Variants in CTNNBL1 observed in about 807,000 individuals in gnomAD.
CTNNBL1 encodes the protein beta-catenin-like protein 1.
In CTNNBL1, 31 loss-of-function variants were observed where a neutral mutation model predicts 72.7. The observed-to-expected ratio is 0.43, with a 90% CI of 0.32 to 0.58. The LOEUF (loss-of-function observed/expected upper bound fraction) is 0.58, where lower values mean the gene tolerates loss of function less well. CTNNBL1 is among the 20% of genes least tolerant of loss of function. The probability of loss-of-function intolerance (pLI) is 0.08; values close to 1 mark genes in which losing one functional copy is unlikely to be tolerated. For synonymous variants in CTNNBL1, 240 were observed against 267.3 expected, an observed-to-expected ratio of 0.90 and a Z score of 1.00; for missense variants, 534 against 725.1, an observed-to-expected ratio of 0.74 and a Z score of 3.03.
intron 13 of CTNNBL1, among the ~76,000 whole-genome samples, chr20:37,843,707 A>C (rs2072324036): frequency 6.6e-6 from 1 of 152,202 alleles, no homozygotes. Context: ...TGAGGGAATG[A>C]GGGAAAACAT....
chr20:37,703,496 CTG>C (rs1202424031), intron 1 of CTNNBL1, among the ~76,000 whole-genome samples: 1 of 152,226 alleles, frequency 6.6e-6, no homozygotes, highest in East Asian at 1.9e-4. Flanking sequence ...GAATTTGACT[CTG>C]TAACTCTCTT....
In CTNNBL1 at chr20:37,746,594, A is replaced by G. The variant is rs1206380002; in HGVS notation, c.453A>G (p.Gly151=). Residue 151 remains glycine, a synonymous_variant, in exon 4 of 16, where the codon GGA becomes GGG. Transcript: ENST00000361383. ...NAVQSLLGLL[G]HDNTDVSIAV... Reference sequence around the variant, plus strand: ...TACAGTCGCTTCTCGGCTTGCTCGGACACGATAATACAGATATCCTTTCAG... The same window carrying G: ...TACAGTCGCTTCTCGGCTTGCTCGGGCACGATAATACAGATATCCTTTCAG... The G allele has an allele frequency of 1.9e-6, 3 of 1,614,048 alleles. No homozygotes were observed. Among genetic ancestry groups the G allele is most frequent in the Non-Finnish European group, 2.5e-6 (3 of 1,179,938 alleles).
intron 12 of CTNNBL1, 48 bp from the exon 13 acceptor site, chr20:37,842,291 G>A (rs755214554): frequency 1.5e-6 from 2 of 1,315,154 alleles, no homozygotes; most frequent in Non-Finnish European, 2.2e-6. Flanking sequence ...TTCTCTTGCT[G>A]TGCGTTGTCT....
chr20:37,848,957 G>C (rs1457013212), intron 13 of CTNNBL1, among the ~76,000 whole-genome samples: 1 of 152,108 alleles, frequency 6.6e-6, no homozygotes, highest in African/African-American at 2.4e-5. Flanking sequence ...TGCGGCCCTA[G>C]CCCTGTATAA....
chr20:37,807,621 A>C (rs1343891207), intron 11 of CTNNBL1, among the ~76,000 whole-genome samples: 3 of 152,182 alleles, frequency 2.0e-5, no homozygotes, highest in Non-Finnish European at 4.4e-5. Context: ...GTAAAAGCAA[A>C]ACTGCCCTTA....
chr20:37,837,555 C>T (rs951460883), intron 11 of CTNNBL1, among the ~76,000 whole-genome samples: 8 of 152,154 alleles, frequency 5.3e-5, no homozygotes, highest in Non-Finnish European at 8.8e-5. Flanking sequence ...CCTGCTCCCA[C>T]GTACAAAAAC....
intron 11 of CTNNBL1, among the ~76,000 whole-genome samples, chr20:37,834,087 A>G (rs1403474392): frequency 6.6e-6 from 1 of 152,216 alleles, no homozygotes; most frequent in East Asian, 1.9e-4. Flanking sequence ...TGATCATGGT[A>G]TACCTTGCTC....
In CTNNBL1 at chr20:37,855,880, A is replaced by G. The variant is rs1321336437; in HGVS notation, c.1393-4019A>G. On this transcript the variant is annotated intron_variant, in intron 13 of 15. Coordinates refer to ENST00000361383, the MANE Select transcript of CTNNBL1 (RefSeq NM_030877.5). The stretch of plus-strand genomic sequence containing the variant: ...ATGCAAATCTCAGCACACACAGCTC[A>G]TTAAATAGCTTTGAACCTCTCCCTT... Among the ~76,000 whole-genome samples the G allele has an allele frequency of 3.9e-5, 6 of 152,032 alleles. No individual in the cohort carries two copies. The East Asian group carries it at 1.2e-3, about 29-fold the overall frequency.
intron 11 of CTNNBL1, among the ~76,000 whole-genome samples, chr20:37,817,838 G>T (rs2072073452): frequency 6.6e-6 from 1 of 152,202 alleles, no homozygotes; most frequent in South Asian, 2.1e-4. Flanking sequence ...GCATGTAGTA[G>T]ATGCTTAACA....
intron 10 of CTNNBL1, among the ~76,000 whole-genome samples, chr20:37,782,098 T>G (rs2073630854): frequency 6.6e-6 from 1 of 152,156 alleles, no homozygotes; most frequent in South Asian, 2.1e-4. Flanking sequence ...ATTCTACAGT[T>G]GCAAAACACT....
At chr20:37,795,417 G>A in intron 10 of CTNNBL1, among the ~76,000 whole-genome samples, 1 of 152,126 alleles carries the variant, frequency 6.6e-6, no homozygotes, top group East Asian at 1.9e-4. Flanking sequence ...ACCTTTAAGG[G>A]AGTATAATGG....
At chr20:37,744,826 G>A (rs544904484) in intron 3 of CTNNBL1, 1 of 152,042 alleles carries the variant, frequency 6.6e-6, no homozygotes, top group Admixed American at 6.5e-5. Context: ...TTACTTTTTG[G>A]GGGGAAAGTC....
At chr20:37,731,406 T>C (rs2073127395) in intron 1 of CTNNBL1, among the ~76,000 whole-genome samples, 1 of 152,126 alleles carries the variant, frequency 6.6e-6, no homozygotes, top group Non-Finnish European at 1.5e-5. Flanking sequence ...TGGCTAATTT[T>C]GTATTTTTAG....
chr20:37,754,838 C>T (rs1377328905), intron 4 of CTNNBL1, among the ~76,000 whole-genome samples: 3 of 151,130 alleles, frequency 2.0e-5, no homozygotes, highest in African/African-American at 4.9e-5. Context: ...GACAGGGTCT[C>T]GCTTTATCAC....
intron 15 of CTNNBL1, among the ~76,000 whole-genome samples, chr20:37,867,711 A>C (rs1600540351): frequency 1.3e-5 from 2 of 152,104 alleles, no homozygotes; most frequent in Non-Finnish European, 2.9e-5. Flanking sequence ...GCACACACGC[A>C]CACACGCACA....
At chr20:37,788,591 G>A (rs1029236776) in intron 10 of CTNNBL1, among the ~76,000 whole-genome samples, 7 of 152,370 alleles carry the variant, frequency 4.6e-5, no homozygotes, top group East Asian at 3.9e-4. Context: ...GAGTCCACTC[G>A]AGTCCTGGGC....
At chr20:37,803,271 C>A (rs1395208937) in intron 11 of CTNNBL1, among the ~76,000 whole-genome samples, 1 of 152,102 alleles carries the variant, frequency 6.6e-6, no homozygotes, top group African/African-American at 2.4e-5. Flanking sequence ...CATTCCATTT[C>A]CTTCTGGACT....
chr20:37,793,760 G>C (rs2073745991), intron 10 of CTNNBL1, among the ~76,000 whole-genome samples: 1 of 152,108 alleles, frequency 6.6e-6, no homozygotes, highest in Non-Finnish European at 1.5e-5. Context: ...TTTTGTTTAA[G>C]TGGTCAAGTG....
intron 1 of CTNNBL1, among the ~76,000 whole-genome samples, chr20:37,719,212 T>A (rs2073019077): frequency 6.6e-6 from 1 of 152,148 alleles, no homozygotes; most frequent in Non-Finnish European, 1.5e-5. Context: ...GGAACTTGGA[T>A]GAATTCTGCT....
Sources: gnomAD v4.1 joint callset for allele counts (sites outside exome capture counted in the v4.1 genomes callset) on GRCh38, gnomAD v4.1.1 for gene constraint, MANE v1.5 for transcripts, NCBI Gene and HGNC (gene_info 2026-07-23, HGNC 2026-07-21) for gene names.